ATF3: variants seen among roughly 807,000 people sequenced by gnomAD.
ATF3 encodes the protein cyclic AMP-dependent transcription factor ATF-3.
A neutral mutation model predicts 18.4 loss-of-function variants in ATF3; 10 were observed. The observed-to-expected ratio is 0.54, with a 90% CI of 0.34 to 0.92. ATF3 has a LOEUF of 0.92. Among genes scored for constraint, ATF3 ranks in the 40% least tolerant of loss-of-function variants. The pLI is 0.02. For missense variants in ATF3, 183 were observed against 222.3 expected (o/e 0.82, Z 1.12); for synonymous variants, 78 against 87.9 (o/e 0.89, Z 0.63).
At chr1:212,606,531 T>C (rs1189118054), upstream of ATF3, among the ~76,000 whole-genome samples, 1 of 152,210 alleles carries the variant, frequency 6.6e-6, no homozygotes, top group East Asian at 1.9e-4. Flanking sequence ...TGGCTGTTTG[T>C]TTACTTGACG....
chr1:212,583,417 G>T lies in ATF3; in HGVS notation c.-5+17934G>T, dbSNP rs146436147. Reference sequence around the variant, plus strand: ...CAGGAAACTGATGGCACACACAGCAGGTTTAACTGAGGAGAGTTTAGCAAA... The same window carrying T: ...CAGGAAACTGATGGCACACACAGCATGTTTAACTGAGGAGAGTTTAGCAAA... On this transcript the variant is annotated intron_variant, in intron 1 of 3. Transcript: ENST00000366981. 2.5e-3 allele frequency among the ~76,000 whole-genome samples: 388 copies of T among 152,274 alleles called. 2 individuals are homozygous for T. The highest frequency in any genetic ancestry group is 9.0e-3 in the African/African-American group (374 of 41,538).
chr1:212,605,563 G>A (rs1252020108), upstream of ATF3, among the ~76,000 whole-genome samples: 1 of 152,244 alleles, frequency 6.6e-6, no homozygotes, highest in Non-Finnish European at 1.5e-5. Context: ...ATGGGGCAGA[G>A]GAATGTGGGA....
At chr1:212,566,586 G>A (rs1038294890) in intron 1 of ATF3, among the ~76,000 whole-genome samples, 2 of 152,134 alleles carry the variant, frequency 1.3e-5, no homozygotes, top group Non-Finnish European at 2.9e-5. Flanking sequence ...GGCATAGAGG[G>A]GGTGGAGGTC....
intron 1 of ATF3, among the ~76,000 whole-genome samples, chr1:212,570,337 A>G (rs1473417631): frequency 6.6e-6 from 1 of 152,184 alleles, no homozygotes; most frequent in Admixed American, 6.5e-5. Context: ...AGCCTTTTAA[A>G]GGTAAAATTT....
At chr1:212,613,676 TC>T in intron 1 of ATF3, 1 of 152,308 alleles carries the variant, frequency 6.6e-6, no homozygotes, top group South Asian at 2.1e-4. Context: ...TGACCACAGA[TC>T]CCCGGTTGAG....
rs760151080 is a variant in ATF3, at chr1:212,618,219, G to C, written c.333G>C (p.Thr111=). The change falls in exon 3 of 4, where the codon ACG becomes ACC. Residue 111 remains threonine, a synonymous_variant. Transcript: ENST00000341491. This position sits in a 1 kb window ranked among gnomAD's most constrained non-coding sequence, Gnocchi z 4.4. ...AKCRNKKKEK[T]ECLQKESEKL... ...GCCGAAACAAGAAGAAGGAGAAGAC[G>C]GAGTGCCTGCAGAAAGTGAGTGCCT... 5.6e-6 allele frequency: 9 copies of C among 1,614,008 alleles called. No individual in the cohort carries two copies. In the South Asian group the frequency reaches 9.9e-5, roughly 18 times the overall value.
intron 1 of ATF3, among the ~76,000 whole-genome samples, chr1:212,590,102 C>T (rs1197891383): frequency 6.6e-6 from 1 of 152,086 alleles, no homozygotes; most frequent in Admixed American, 6.5e-5. Flanking sequence ...TTACATTGAA[C>T]ACTGTTTGGT....
chr1:212,606,608 G>A (rs1390182922), upstream of ATF3, among the ~76,000 whole-genome samples: 1 of 152,170 alleles, frequency 6.6e-6, no homozygotes, highest in Non-Finnish European at 1.5e-5. Flanking sequence ...GTGTTTTAAT[G>A]GAATCATAGT....
chr1:212,579,290 G>T (rs1429616875), intron 1 of ATF3, among the ~76,000 whole-genome samples: 1 of 152,144 alleles, frequency 6.6e-6, no homozygotes, highest in Non-Finnish European at 1.5e-5. Context: ...GGGATTACAG[G>T]CATGGCTCCC....
At chr1:212,586,102 G>T (rs1254197815) in intron 1 of ATF3, among the ~76,000 whole-genome samples, 2 of 152,120 alleles carry the variant, frequency 1.3e-5, no homozygotes, top group Non-Finnish European at 2.9e-5. Flanking sequence ...GCACCAGACT[G>T]TGAGTCTGTC....
chr1:212,610,481 A>G (rs1654850073), intron 1 of ATF3, among the ~76,000 whole-genome samples: 1 of 152,216 alleles, frequency 6.6e-6, no homozygotes, highest in Non-Finnish European at 1.5e-5. Flanking sequence ...TATCCTGGGC[A>G]AAGATGGGAT....
intron 2 of ATF3, among the ~76,000 whole-genome samples, chr1:212,617,345 G>A (rs1474714622): frequency 3.3e-5 from 5 of 152,224 alleles, no homozygotes; most frequent in Admixed American, 6.5e-5. Context: ...TCTGGGAGGT[G>A]GCTTCTGGCG....
At chr1:212,569,323 A>C (rs1457900363) in intron 1 of ATF3, among the ~76,000 whole-genome samples, 1 of 152,242 alleles carries the variant, frequency 6.6e-6, no homozygotes, top group East Asian at 1.9e-4. Flanking sequence ...GAGACTTTTC[A>C]TCATATACAC....
chr1:212,604,860 T>C (rs540395765), upstream of ATF3, among the ~76,000 whole-genome samples: 1 of 152,292 alleles, frequency 6.6e-6, no homozygotes, highest in South Asian at 2.1e-4. Context: ...TAGCCCAGGA[T>C]ACTTGGCAGG....
chr1:212,600,470 C>T (rs771906459), intron 1 of ATF3, among the ~76,000 whole-genome samples: 8 of 152,226 alleles, frequency 5.3e-5, no homozygotes, highest in Non-Finnish European at 7.3e-5. Flanking sequence ...CCACTGAATG[C>T]GTATTCACTG....
At position 212,618,455 on chromosome 1, in the gene ATF3, C is replaced by A; in HGVS notation, c.348+221C>A. ...ATGTATAAAAACAGGTGTGTGAATT[C>A]GTCTGATGCCTGACTCCCAGCAGCC... is the stretch of plus-strand genomic sequence containing the variant. On this transcript the variant is annotated intron_variant, in intron 3 of 3. Coordinates refer to ENST00000341491, the MANE Select transcript of ATF3 (RefSeq NM_001674.4). This position sits in a 1 kb window ranked among gnomAD's most constrained non-coding sequence, Gnocchi z 4.4. 1 of 564,698 alleles carries A rather than the reference C, an allele frequency of 1.8e-6. No homozygotes were observed. Among genetic ancestry groups the A allele is most frequent in the Non-Finnish European group, 3.2e-6 (1 of 313,698 alleles). The allele number at this position is 564,698 out of a possible 1,614,324, so 35.0% of individuals were successfully genotyped here.
chr1:212,585,581 G>A (rs944686799), intron 1 of ATF3, among the ~76,000 whole-genome samples: 5 of 152,230 alleles, frequency 3.3e-5, no homozygotes, highest in African/African-American at 1.2e-4. Context: ...ATCTGTGTGT[G>A]AAGCAGGAGC....
intron 1 of ATF3, among the ~76,000 whole-genome samples, chr1:212,584,864 C>A (rs1053146619): frequency 2.0e-5 from 3 of 152,274 alleles, no homozygotes; most frequent in African/African-American, 4.8e-5. Context: ...TGGATGGAAC[C>A]TTTGTGGGAA....
chr1:212,576,716 C>CTGT (rs1664583857), intron 1 of ATF3, among the ~76,000 whole-genome samples: 1 of 78,248 alleles, frequency 1.3e-5, no homozygotes, highest in Non-Finnish European at 2.4e-5. Flanking sequence ...CTTTTCTTTT[C>CTGT]TTTTCTTTTT....
Sources: allele counts gnomAD v4.1 joint callset (sites outside exome capture counted in the v4.1 genomes callset), GRCh38; gene constraint gnomAD v4.1.1; non-coding constraint Gnocchi (gnomAD v3.1); transcripts MANE v1.5; gene names NCBI Gene and HGNC (gene_info 2026-07-23, HGNC 2026-07-21).